Variants in RTL9 observed in about 807,000 individuals in gnomAD.
RTL9 encodes retrotransposon Gag-like protein 9.
Under a neutral mutation model 44.7 loss-of-function variants are expected in RTL9, and 19 were observed. That is an observed-to-expected ratio of 0.42 (90% CI 0.30 to 0.62). The LOEUF (loss-of-function observed/expected upper bound fraction) is 0.62. Ranked by LOEUF, RTL9 falls within the 20% of genes least tolerant of loss-of-function variation. The probability of loss-of-function intolerance (pLI) is 0.16; values close to 1 mark genes in which losing one functional copy is unlikely to be tolerated. For missense variants in RTL9, 1,105 were observed against 1,080.6 expected (o/e 1.02, Z -0.32); for synonymous variants, 407 against 398.9 (o/e 1.02, Z -0.24).
chrX:110,436,734 A>G (rs1473517035), intron 1 of RTL9, among the ~76,000 whole-genome samples: 1 of 111,758 alleles, frequency 8.9e-6, no homozygotes, highest in Non-Finnish European at 1.9e-5. Context: ...AGCCTCTGGA[A>G]GCCTTAGTAC....
intron 2 of RTL9, among the ~76,000 whole-genome samples, chrX:110,445,548 T>A (rs1352508918): frequency 9.0e-6 from 1 of 111,528 alleles, no homozygotes; most frequent in Non-Finnish European, 1.9e-5. Context: ...AGGAAGAAGA[T>A]CCTAAAGTAG....
At chrX:110,369,285 T>C (rs2068320821) in intron 1 of RTL9, among the ~76,000 whole-genome samples, 1 of 111,229 alleles carries the variant, frequency 9.0e-6, no homozygotes, top group Non-Finnish European at 1.9e-5. Flanking sequence ...TGAGCAGAGA[T>C]GGCACCACTG....
At chrX:110,424,058 C>A (rs1322311452) in intron 1 of RTL9, among the ~76,000 whole-genome samples, 1 of 111,559 alleles carries the variant, frequency 9.0e-6, no homozygotes, top group Non-Finnish European at 1.9e-5. Context: ...CTTATTTCAT[C>A]CTCACCACAA....
intron 1 of RTL9, among the ~76,000 whole-genome samples, chrX:110,374,592 T>C (rs750540716): frequency 3.9e-4 from 44 of 112,207 alleles, no homozygotes; most frequent in African/African-American, 1.3e-3. Flanking sequence ...GCAATTAATC[T>C]TTAAAACTTA....
intron 1 of RTL9, among the ~76,000 whole-genome samples, chrX:110,406,507 T>C (rs1280057791): frequency 8.9e-6 from 1 of 111,988 alleles, no homozygotes; most frequent in Non-Finnish European, 1.9e-5. Flanking sequence ...AGTCTATCAT[T>C]GATGGACATT....
intron 1 of RTL9, among the ~76,000 whole-genome samples, chrX:110,437,881 T>C (rs2068850796): frequency 9.0e-6 from 1 of 111,520 alleles, no homozygotes. Flanking sequence ...GTGACTCAGG[T>C]AATTCAGCCT....
chrX:110,379,204 A>G (rs955076500), intron 1 of RTL9, among the ~76,000 whole-genome samples: 6 of 112,104 alleles, frequency 5.4e-5, no homozygotes, highest in Admixed American at 1.9e-4. Flanking sequence ...CATTTCTATT[A>G]TAGCTTTCAA....
At chrX:110,433,010 C>T (rs1275605827) in intron 1 of RTL9, among the ~76,000 whole-genome samples, 1 of 112,671 alleles carries the variant, frequency 8.9e-6, no homozygotes, top group Non-Finnish European at 1.9e-5. Flanking sequence ...AGTCCTCGAC[C>T]TCCTGGCCTG....
chrX:110,367,800 C>T, intron 1 of RTL9, among the ~76,000 whole-genome samples: 1 of 109,689 alleles, frequency 9.1e-6, no homozygotes, highest in African/African-American at 3.3e-5. Context: ...ATACTTTCAG[C>T]TGAATAGTTA....
At chrX:110,420,321 T>C (rs770605811) in intron 1 of RTL9, among the ~76,000 whole-genome samples, 1 of 112,249 alleles carries the variant, frequency 8.9e-6, no homozygotes, top group East Asian at 2.8e-4. Context: ...CCAAGGAATA[T>C]TCGTTGAATG....
chrX:110,361,677 C>T (rs1324841635), intron 1 of RTL9, among the ~76,000 whole-genome samples: 1 of 112,348 alleles, frequency 8.9e-6, no homozygotes, highest in Non-Finnish European at 1.9e-5. Context: ...CAAGCGCCTT[C>T]TCGCCATTCT....
chrX:110,406,989 A>G (rs2068606850), intron 1 of RTL9, among the ~76,000 whole-genome samples: 1 of 111,685 alleles, frequency 9.0e-6, no homozygotes, highest in Non-Finnish European at 1.9e-5. Flanking sequence ...ACAGGAGCTG[A>G]ATGCCTTCTT....
intron 1 of RTL9, among the ~76,000 whole-genome samples, chrX:110,423,412 G>C (rs753140102): frequency 2.7e-5 from 3 of 111,135 alleles, no homozygotes; most frequent in East Asian, 5.6e-4. Flanking sequence ...GAAGGAGAAG[G>C]AGAACGAGAA....
At chrX:110,444,368 A>T (rs186411211) in intron 1 of RTL9, among the ~76,000 whole-genome samples, 2 of 112,595 alleles carry the variant, frequency 1.8e-5, no homozygotes, top group African/African-American at 6.4e-5. Flanking sequence ...TTACAGGTAT[A>T]TGATCTTATC....
At chrX:110,442,253 G>C (rs866231148) in intron 1 of RTL9, among the ~76,000 whole-genome samples, 2,014 of 61,099 alleles carry the variant, frequency 0.033, 53 homozygotes, top group African/African-American at 0.11. Context: ...CTCTCTGTGT[G>C]TGTGTGTGTG....
rs774003755 is a variant in RTL9 at position 110,450,719 on chromosome X, G to A, written c.102G>A (p.Glu34=). ...TGGCCTTCTGTAGACCAATGACAGAGACCAGAGCAGACGTACAGATTCTGC... is the reference window on the plus strand; with the variant it reads ...TGGCCTTCTGTAGACCAATGACAGAAACCAGAGCAGACGTACAGATTCTGC... Residue 34 remains glutamate, a synonymous_variant, in exon 1 of 2, where the codon GAG becomes GAA. Coordinates refer to ENST00000540313, the Ensembl canonical transcript of RTL9. 3 of 1,208,852 alleles carry A rather than the reference G, an allele frequency of 2.5e-6. No homozygotes were observed. The South Asian group carries it at 5.3e-5, about 21-fold the overall frequency.
chrX:110,363,251 C>A (rs2068276017), intron 1 of RTL9, among the ~76,000 whole-genome samples: 1 of 111,613 alleles, frequency 9.0e-6, no homozygotes. Context: ...GTAGACACAG[C>A]ACTGTGAATT....
At chrX:110,420,031 AG>A (rs2148319599) in intron 1 of RTL9, among the ~76,000 whole-genome samples, 2 of 111,680 alleles carry the variant, frequency 1.8e-5, no homozygotes, top group East Asian at 5.7e-4. Context: ...TCACACAGCT[AG>A]CAAGAGACAG....
chrX:110,401,455 G>A (rs529533680), intron 1 of RTL9, among the ~76,000 whole-genome samples: 8 of 111,647 alleles, frequency 7.2e-5, no homozygotes, highest in African/African-American at 2.3e-4. Flanking sequence ...GTTTTCTGAA[G>A]GTAAACTGCC....
Sources: gnomAD v4.1 joint callset for allele counts (sites outside exome capture counted in the v4.1 genomes callset) on GRCh38, gnomAD v4.1.1 for gene constraint, MANE v1.5 for transcripts, NCBI Gene and HGNC (gene_info 2026-07-23, HGNC 2026-07-21) for gene names.